Variants in PLCG2 observed in about 807,000 individuals in gnomAD.
PLCG2 encodes the protein phospholipase C gamma 2.
In PLCG2, 69 loss-of-function variants were observed where a neutral mutation model predicts 175.6. That is an observed-to-expected ratio of 0.39 (90% CI 0.32 to 0.48). PLCG2 has a LOEUF of 0.48. Among genes scored for constraint, PLCG2 ranks in the 20% least tolerant of loss-of-function variants. PLCG2 has a pLI of 0.91. For missense variants in PLCG2, 1,798 were observed against 1,650.9 expected (o/e 1.09, Z -1.54); for synonymous variants, 827 against 624.0 (o/e 1.33, Z -4.85).
At chr16:81,877,460 A>G (rs890116696) in intron 7 of PLCG2, among the ~76,000 whole-genome samples, 1 of 152,322 alleles carries the variant, frequency 6.6e-6, no homozygotes, top group African/African-American at 2.4e-5. Context: ...GTCTCAAACA[A>G]ACAAAACAAC....
At chr16:81,870,581 C>G (rs555667043) in intron 6 of PLCG2, among the ~76,000 whole-genome samples, 15 of 152,208 alleles carry the variant, frequency 9.9e-5, no homozygotes, top group South Asian at 2.1e-4. Flanking sequence ...GTATGTTTTC[C>G]CAGACAGGGG....
rs200009896 is a variant in PLCG2, at chr16:81,753,431, T to TTG, written c.-144-2438_-144-2437insGT. Among the ~76,000 whole-genome samples, 1,154 of 151,356 alleles carry TTG rather than the reference T, an allele frequency of 7.6e-3. 14 individuals are homozygous for TTG. The highest frequency in any genetic ancestry group is 0.026 in the African/African-American group (1,075 of 41,118). On this transcript the variant is annotated intron_variant, in intron 1 of 5. Coordinates refer to the PLCG2 transcript ENST00000565054. ...TTGACCATTTAATTTAATTTTTTTT[T>TTG]TTTTTGAGATGGAGTCTCACTCTGT...
chr16:81,877,653 G>A (rs1372289512), intron 7 of PLCG2, among the ~76,000 whole-genome samples: 1 of 152,162 alleles, frequency 6.6e-6, no homozygotes, highest in East Asian at 1.9e-4. Context: ...CCTGGCTGCT[G>A]GTGGCTGCCA....
At chr16:81,824,202 C>G (rs1904943279) in intron 2 of PLCG2, among the ~76,000 whole-genome samples, 1 of 148,036 alleles carries the variant, frequency 6.8e-6, no homozygotes, top group Non-Finnish European at 1.5e-5. Flanking sequence ...GGCGTGATCT[C>G]AGCTCACCGC....
At chr16:81,750,971 CTTTTTTT>C (rs34518159) in intron 1 of PLCG2, among the ~76,000 whole-genome samples, 5 of 41,736 alleles carry the variant, frequency 1.2e-4, no homozygotes, top group Admixed American at 3.7e-4. Context: ...CCGCACCCAG[CTTTTTTT>C]TTTTTTTTTT....
At chr16:81,775,031 C>A (rs1419261192), upstream of PLCG2, among the ~76,000 whole-genome samples, 3 of 152,136 alleles carry the variant, frequency 2.0e-5, no homozygotes, top group Non-Finnish European at 4.4e-5. Flanking sequence ...CAGGTATGAG[C>A]CAATGTGCCC....
chr16:81,791,148 A>C (rs1267227988), intron 2 of PLCG2, among the ~76,000 whole-genome samples: 3 of 152,120 alleles, frequency 2.0e-5, no homozygotes, highest in Non-Finnish European at 4.4e-5. Flanking sequence ...AGCTTGCAAG[A>C]GGGGGAGACA....
At chr16:81,937,046 G>C (rs1351070579) in intron 27 of PLCG2, among the ~76,000 whole-genome samples, 1 of 152,222 alleles carries the variant, frequency 6.6e-6, no homozygotes, top group Non-Finnish European at 1.5e-5. Flanking sequence ...CTATGGGACA[G>C]AATTCTCAGA....
chr16:81,868,661 C>A (rs1358977384), intron 5 of PLCG2, among the ~76,000 whole-genome samples: 2 of 152,264 alleles, frequency 1.3e-5, no homozygotes, highest in South Asian at 4.1e-4. Flanking sequence ...CTTTGACATT[C>A]AGAGTCCTGG....
chr16:81,803,766 C>T (rs1911867414), intron 2 of PLCG2, among the ~76,000 whole-genome samples: 1 of 151,340 alleles, frequency 6.6e-6, no homozygotes, highest in African/African-American at 2.4e-5. Context: ...ACTGCATCCT[C>T]TACCTCCTGG....
chr16:81,791,114 G>A (rs1032357702), intron 2 of PLCG2, among the ~76,000 whole-genome samples: 1 of 152,216 alleles, frequency 6.6e-6, no homozygotes, highest in Non-Finnish European at 1.5e-5. Flanking sequence ...TCTGCAGAGA[G>A]AGGGAGGAGG....
intron 19 of PLCG2, among the ~76,000 whole-genome samples, chr16:81,917,959 G>C (rs1777958115): frequency 6.6e-6 from 1 of 152,168 alleles, no homozygotes; most frequent in Non-Finnish European, 1.5e-5. Context: ...CTGACCTCAA[G>C]TGATCTGCCT....
intron 2 of PLCG2, among the ~76,000 whole-genome samples, chr16:81,764,263 C>G (rs1910098302): frequency 1.3e-5 from 2 of 152,090 alleles, no homozygotes; most frequent in African/African-American, 4.8e-5. Context: ...AGCCACTGTA[C>G]TGCACCCTGG....
chr16:81,776,034 C>A (rs890690273), upstream of PLCG2, among the ~76,000 whole-genome samples: 1 of 147,882 alleles, frequency 6.8e-6, no homozygotes, highest in Middle Eastern at 3.2e-3. Context: ...GTGACAGGGC[C>A]TTTCTACCTC....
intron 1 of PLCG2, 74 bp from the exon 2 acceptor site, chr16:81,785,869 C>G (rs1394058650): frequency 2.1e-6 from 2 of 931,026 alleles, no homozygotes; most frequent in East Asian, 4.9e-5. Context: ...ATTTTGGTTC[C>G]TGAAGTTCAT....
Position 81,912,711 on chromosome 16 carries a change from C to T in PLCG2, c.2049C>T (p.Thr683=). Residue 683 remains threonine (T), a synonymous_variant, in exon 19 of 33, where the codon ACC becomes ACT. Transcript: ENST00000564138. ...KREGSDSYAI[T]FRARGKVKHC... The stretch of plus-strand genomic sequence containing the variant: ...AGGGGAGCGACTCCTATGCCATCAC[C>T]TTCAGGTGGGTGCGAGGGTGGGAGG... 1 of 1,605,072 alleles carries T rather than the reference C, an allele frequency of 6.2e-7. No homozygotes were observed. Among genetic ancestry groups the T allele is most frequent in the Non-Finnish European group, 8.5e-7 (1 of 1,175,638 alleles).
chr16:81,896,232 C>T (rs143615613), intron 13 of PLCG2, among the ~76,000 whole-genome samples: 348 of 152,212 alleles, frequency 2.3e-3, no homozygotes, highest in African/African-American at 7.8e-3. Flanking sequence ...TCAGAACCCC[C>T]GAAAGAGAGG....
At chr16:81,873,480 G>A (rs1287590573) in intron 7 of PLCG2, among the ~76,000 whole-genome samples, 4 of 152,104 alleles carry the variant, frequency 2.6e-5, no homozygotes, top group Middle Eastern at 3.2e-3. Context: ...GAATGGTGAC[G>A]ATTGTCATCT....
chr16:81,896,529 C>T (rs191903474), intron 13 of PLCG2, among the ~76,000 whole-genome samples: 5 of 152,000 alleles, frequency 3.3e-5, no homozygotes, highest in Admixed American at 1.3e-4. Context: ...AGTGAGGTCA[C>T]ATTGCGCCAC....
Sources: gnomAD v4.1 joint callset for allele counts (sites outside exome capture counted in the v4.1 genomes callset) on GRCh38, gnomAD v4.1.1 for gene constraint, MANE v1.5 for transcripts, NCBI Gene and HGNC (gene_info 2026-07-23, HGNC 2026-07-21) for gene names.